The following NLGN1 variants were observed in gnomAD, a reference collection of about 807,000 sequenced individuals.
NLGN1 encodes the protein neuroligin-1.
Under a neutral mutation model 65.5 loss-of-function variants are expected in NLGN1, and 12 were observed. That is an observed-to-expected ratio of 0.18 (90% CI 0.12 to 0.30). NLGN1 has a LOEUF of 0.30. NLGN1 is among the 10% of genes least tolerant of loss of function. The pLI, the probability that NLGN1 is intolerant of heterozygous loss-of-function variation, is 1.00. For missense variants in NLGN1, 750 were observed against 1,007.1 expected (o/e 0.74, Z 3.46); for synonymous variants, 350 against 359.5 (o/e 0.97, Z 0.30).
At chr3:173,530,926 T>C (rs1317723440) in intron 2 of NLGN1, among the ~76,000 whole-genome samples, 1 of 152,140 alleles carries the variant, frequency 6.6e-6, no homozygotes, top group Non-Finnish European at 1.5e-5. Flanking sequence ...TATTTTGGGT[T>C]TTCTTGGGCT....
intron 1 of NLGN1, among the ~76,000 whole-genome samples, chr3:173,403,296 C>G (rs964549045): frequency 2.0e-5 from 3 of 151,962 alleles, no homozygotes; most frequent in Non-Finnish European, 2.9e-5. Flanking sequence ...CATCGTATAC[C>G]TATCTATATG....
At chr3:174,002,331 T>C (rs1465346439) in intron 4 of NLGN1, among the ~76,000 whole-genome samples, 3 of 152,268 alleles carry the variant, frequency 2.0e-5, no homozygotes, top group South Asian at 4.1e-4. Context: ...TTTCACCATG[T>C]TGGCCAGGCT....
intron 3 of NLGN1, among the ~76,000 whole-genome samples, chr3:173,654,205 T>C (rs1247936769): frequency 6.6e-6 from 1 of 152,172 alleles, no homozygotes; most frequent in African/African-American, 2.4e-5. Context: ...AACTTTCCGC[T>C]TTGCACTAAG....
chr3:173,553,774 G>A (rs1205596683), intron 2 of NLGN1, among the ~76,000 whole-genome samples: 1 of 147,054 alleles, frequency 6.8e-6, no homozygotes, highest in African/African-American at 2.5e-5. Flanking sequence ...AGATTTAAGA[G>A]GCAAATTATA....
intron 4 of NLGN1, among the ~76,000 whole-genome samples, chr3:173,966,920 G>C (rs1277107804): frequency 6.6e-6 from 1 of 152,166 alleles, no homozygotes; most frequent in Admixed American, 6.5e-5. Context: ...GTCTATAAAT[G>C]ATGACAATGT....
chr3:173,994,508 T>TAA (rs1417184397), intron 4 of NLGN1, among the ~76,000 whole-genome samples: 4 of 117,952 alleles, frequency 3.4e-5, no homozygotes, highest in African/African-American at 1.3e-4. Context: ...AGAGAGAGCC[T>TAA]AATTAGTAAT....
At chr3:174,155,576 A>G (rs1284538875) in intron 4 of NLGN1, among the ~76,000 whole-genome samples, 1 of 151,892 alleles carries the variant, frequency 6.6e-6, no homozygotes, top group African/African-American at 2.4e-5. Context: ...ATCAAATAAC[A>G]TAGCTACTAA....
At chr3:173,575,291 G>C (rs1422545578) in intron 2 of NLGN1, among the ~76,000 whole-genome samples, 1 of 152,168 alleles carries the variant, frequency 6.6e-6, no homozygotes, top group East Asian at 1.9e-4. Flanking sequence ...TTAATGTCAA[G>C]ATTGGTAAAC....
chr3:174,030,604 A>G (rs745901961), intron 4 of NLGN1, among the ~76,000 whole-genome samples: 23 of 152,322 alleles, frequency 1.5e-4, no homozygotes, highest in Middle Eastern at 3.4e-3. Context: ...AAGATGACAG[A>G]TTGAACTTAT....
chr3:173,696,267 A>T (rs1016351979), intron 3 of NLGN1, among the ~76,000 whole-genome samples: 8 of 152,210 alleles, frequency 5.3e-5, no homozygotes, highest in African/African-American at 1.9e-4. Context: ...AATACTGACA[A>T]CATTCTCTTT....
At chr3:174,008,369 C>T (rs929569916) in intron 4 of NLGN1, among the ~76,000 whole-genome samples, 6 of 131,442 alleles carry the variant, frequency 4.6e-5, no homozygotes, top group African/African-American at 8.4e-5. Context: ...CCCCCGCCCA[C>T]GGAGGAGCTC....
intron 4 of NLGN1, among the ~76,000 whole-genome samples, chr3:174,086,716 T>C (rs1053196153): frequency 6.6e-6 from 1 of 151,994 alleles, no homozygotes; most frequent in African/African-American, 2.4e-5. Flanking sequence ...TTAAAAAATA[T>C]TCAAAATCTT....
At chr3:173,409,923 AG>A (rs931924456) in intron 1 of NLGN1, among the ~76,000 whole-genome samples, 1 of 152,110 alleles carries the variant, frequency 6.6e-6, no homozygotes, top group South Asian at 2.1e-4. Context: ...AGGGACCTGT[AG>A]GGGGGCCAAG....
chr3:174,100,218 A>G (rs1196711443), intron 4 of NLGN1, among the ~76,000 whole-genome samples: 2 of 152,106 alleles, frequency 1.3e-5, no homozygotes, highest in Admixed American at 1.3e-4. Flanking sequence ...GGCTATAGAC[A>G]ACTAAGGAAT....
chr3:173,974,351 G>A (rs1398889481), intron 4 of NLGN1, among the ~76,000 whole-genome samples: 2 of 151,706 alleles, frequency 1.3e-5, no homozygotes, highest in East Asian at 1.9e-4. Context: ...TACTACATTG[G>A]TATTTTTATA....
chr3:174,251,727 T>C (rs932927904), intron 4 of NLGN1, among the ~76,000 whole-genome samples: 1 of 152,258 alleles, frequency 6.6e-6, no homozygotes, highest in Non-Finnish European at 1.5e-5. Context: ...TTGGCTCTGA[T>C]CAACAAATAT....
intron 3 of NLGN1, among the ~76,000 whole-genome samples, chr3:173,769,807 A>G (rs1779319244): frequency 6.6e-6 from 1 of 152,168 alleles, no homozygotes; most frequent in Non-Finnish European, 1.5e-5. Flanking sequence ...ACTGGTTATA[A>G]TTTATTTGAG....
intron 4 of NLGN1, among the ~76,000 whole-genome samples, chr3:174,243,122 A>G (rs961882): frequency 0.68 from 103,064 of 152,098 alleles, 35,686 homozygotes; most frequent in African/African-American, 0.81. Flanking sequence ...GTCTTGGAAA[A>G]CTGAATAGAT....
intron 3 of NLGN1, among the ~76,000 whole-genome samples, chr3:173,786,330 T>A (rs1240316838): frequency 6.6e-6 from 1 of 152,192 alleles, no homozygotes; most frequent in Non-Finnish European, 1.5e-5. Context: ...TTCTTTTTTT[T>A]AAGTACCAAA....
Sources: gnomAD v4.1 joint callset for allele counts (sites outside exome capture counted in the v4.1 genomes callset) on GRCh38, gnomAD v4.1.1 for gene constraint, MANE v1.5 for transcripts, NCBI Gene and HGNC (gene_info 2026-07-23, HGNC 2026-07-21) for gene names.